The following TRIP11 variants were observed in gnomAD, a reference collection of about 807,000 sequenced individuals.
TRIP11 encodes the protein thyroid hormone receptor interactor 11.
Under a neutral mutation model 223.1 loss-of-function variants are expected in TRIP11, and 148 were observed. The ratio of observed to expected loss-of-function variants is 0.66; its 90% CI spans 0.58 to 0.76. The LOEUF (loss-of-function observed/expected upper bound fraction) is 0.76. Among genes scored for constraint, TRIP11 ranks in the 30% least tolerant of loss-of-function variants. TRIP11 has a pLI of 0.00. For synonymous variants in TRIP11, 762 were observed against 772.6 expected, an observed-to-expected ratio of 0.99 and a Z score of 0.23; for missense variants, 2,043 against 2,222.0, an observed-to-expected ratio of 0.92 and a Z score of 1.62.
rs34612555 is a variant in TRIP11 at position 92,034,424 on chromosome 14, C to CAAAAAAAAAAAAAAA, written c.140-1172_140-1171insTTTTTTTTTTTTTTT. 6.1e-4 allele frequency among the ~76,000 whole-genome samples: 82 copies of CAAAAAAAAAAAAAAA among 133,344 alleles called. No individual in the cohort carries two copies. The South Asian group carries it at 0.011, about 17-fold the overall frequency. 87.5% of individuals were successfully genotyped at this position (133,344 alleles called of 152,430 possible). A position where few individuals can be genotyped will look rare whatever the true frequency, so the allele number is the denominator to read the frequency against. ...GGTTACAGAGTGAGACTCTTGTCTC[C>CAAAAAAAAAAAAAAA]AAAAAAAAAAAAGGAAAGGGAGCTG... On this transcript the variant is annotated intron_variant, in intron 1 of 20. Transcript: ENST00000267622.
intron 13 of TRIP11, among the ~76,000 whole-genome samples, chr14:91,996,592 T>G (rs2056754312): frequency 6.6e-6 from 1 of 152,202 alleles, no homozygotes; most frequent in Non-Finnish European, 1.5e-5. Flanking sequence ...CTGCAATTTT[T>G]GTGCTTCCAG....
Position 92,003,542 on chromosome 14 carries a change from T to C in TRIP11, c.4434A>G (p.Glu1478=), listed in dbSNP as rs201733332. 38 of 1,614,176 alleles carry C rather than the reference T, an allele frequency of 2.4e-5. No individual in the cohort carries two copies. The highest frequency in any genetic ancestry group is 5.0e-5 in the Admixed American group (3 of 60,030). The change falls in exon 11 of 21, where the codon GAA becomes GAG. Residue 1478 remains glutamate (E), a synonymous_variant. Coordinates refer to ENST00000267622, the MANE Select transcript of TRIP11 (RefSeq NM_004239.4). ...IVETYRGKET[E]YQALQETNMK... ...TGTTAGTCTCTTGTAACGCTTGATA[T>C]TCTGTTTCCTTTCCCCTGTATGTTT...
intron 6 of TRIP11, 35 bp downstream of exon 6, chr14:92,015,661 A>C (rs1218086102): frequency 6.5e-7 from 1 of 1,534,590 alleles, no homozygotes; most frequent in South Asian, 1.2e-5. Flanking sequence ...CCATCTCAAA[A>C]AAAATAATAA....
chr14:91,972,924 G>A, intron 19 of TRIP11, 63 bp from the exon 20 acceptor site: 1 of 1,312,050 alleles, frequency 7.6e-7, no homozygotes, highest in Non-Finnish European at 1.1e-6. Context: ...TACAACTAAG[G>A]AAATGTACCA....
Position 91,975,218 on chromosome 14 carries a change from C to T in TRIP11, c.5411G>A (p.Arg1804Gln), listed in dbSNP as rs772880281. 24 of 1,613,720 alleles carry T rather than the reference C, an allele frequency of 1.5e-5. No homozygotes were observed. Among genetic ancestry groups the T allele is most frequent in the South Asian group, 4.4e-5 (4 of 91,072 alleles). The change falls in exon 18 of 21, where the codon CGG becomes CAG. Residue 1804 changes from arginine to glutamine, a missense_variant. Physicochemically the swap from Arg to Gln is conservative, Grantham distance 43. Transcript: ENST00000267622. Reference sequence around the variant, plus strand: ...GACGCCCAGGATGCTCCCCATTAACCGTAACACTTCATGACGCTGATTTTT... The same window carrying T: ...GACGCCCAGGATGCTCCCCATTAACTGTAACACTTCATGACGCTGATTTTT... ...TPKNQRHEVL[R>Q]LMGSILGVRR...
chr14:92,026,345 T>C (rs535132062), intron 2 of TRIP11, among the ~76,000 whole-genome samples: 9 of 152,326 alleles, frequency 5.9e-5, no homozygotes. Context: ...ACTCAAATTG[T>C]ATGTACCTAA....
intron 16 of TRIP11, among the ~76,000 whole-genome samples, chr14:91,981,465 C>T (rs2056544111): frequency 6.6e-6 from 1 of 152,212 alleles, no homozygotes; most frequent in African/African-American, 2.4e-5. Context: ...CCTCTGCTCA[C>T]TGCAACCTCT....
Position 92,039,999 on chromosome 14 carries a change from G to A in TRIP11, c.-314C>T, listed in dbSNP as rs907120166. On this transcript the variant is annotated 5_prime_UTR_variant, in exon 1 of 21. Coordinates refer to ENST00000267622, the MANE Select transcript of TRIP11 (RefSeq NM_004239.4). ...CTAATGACTTTCCTCAGTTCCGTGG[G>A]TTACTCCTGCCAACTCGACGCCGGC... The A allele has an allele frequency of 1.5e-5, 7 of 462,292 alleles. No individual in the cohort carries two copies. In the East Asian group the frequency reaches 1.5e-4, roughly 10 times the overall value. 28.6% of individuals were successfully genotyped at this position (462,292 alleles called of 1,614,324 possible).
intron 7 of TRIP11, 114 bp from the exon 8 acceptor site, chr14:92,011,909 G>T: frequency 1.2e-6 from 1 of 868,590 alleles, no homozygotes; most frequent in Non-Finnish European, 1.9e-6. Flanking sequence ...CCACTGGCAA[G>T]CAGTAACAGT....
rs542053033 is a variant in TRIP11 at position 92,006,574 on chromosome 14, T to C, written c.1528-126A>G. 99 of 1,078,222 alleles carry C rather than the reference T, an allele frequency of 9.2e-5. No homozygotes were observed. In the South Asian group the frequency reaches 1.3e-3, roughly 14 times the overall value. The allele number at this position is 1,078,222 out of a possible 1,614,324, so 66.8% of individuals were successfully genotyped here. ...ATATTTCTAATCCTTCTTAAAAACA[T>C]TGTTTTTCTATCAAAAACACCCACT... is the stretch of plus-strand genomic sequence containing the variant. On this transcript the variant is annotated intron_variant, in intron 10 of 20. Coordinates refer to ENST00000267622, the MANE Select transcript of TRIP11 (RefSeq NM_004239.4).
At chr14:92,031,687 A>G (rs1342000511) in intron 2 of TRIP11, among the ~76,000 whole-genome samples, 1 of 152,268 alleles carries the variant, frequency 6.6e-6, no homozygotes, top group East Asian at 1.9e-4. Context: ...ATTCCAGGTT[A>G]TACAATTAAG....
At chr14:92,017,900 C>T (rs1566867900) in intron 4 of TRIP11, 150 bp from the exon 5 acceptor site, 2 of 658,278 alleles carry the variant, frequency 3.0e-6, no homozygotes, top group Non-Finnish European at 5.3e-6. Flanking sequence ...TTTAAAGAAC[C>T]TAGTCTAATA....
chr14:91,988,233 G>A lies in TRIP11; in HGVS notation c.5260+51C>T, dbSNP rs543236685. On this transcript the variant is annotated intron_variant, in intron 16 of 20. Coordinates refer to ENST00000267622, the MANE Select transcript of TRIP11 (RefSeq NM_004239.4). ...CAATTTATGACAGAAGACTACATTTGATTTAATATCAGTATTGTAGTGGGG... is the reference window on the plus strand; with the variant it reads ...CAATTTATGACAGAAGACTACATTTAATTTAATATCAGTATTGTAGTGGGG... 55 of 1,403,084 alleles carry A rather than the reference G, an allele frequency of 3.9e-5. 1 individual carries two copies. In the South Asian group the frequency reaches 6.0e-4, roughly 15 times the overall value. 86.9% of individuals were successfully genotyped at this position (1,403,084 alleles called of 1,614,324 possible).
rs941830320 is a variant in TRIP11, at chr14:91,968,648, A to C, written c.*1025T>G. The C allele has an allele frequency of 4.4e-6, 1 of 225,200 alleles. No homozygotes were observed. Among genetic ancestry groups the C allele is most frequent in the African/African-American group, 2.2e-5 (1 of 44,824 alleles). The allele number at this position is 225,200 out of a possible 1,614,324, so 14.0% of individuals were successfully genotyped here. A position where few individuals can be genotyped will look rare whatever the true frequency, so the allele number is the denominator to read the frequency against. ...ATAGATACCTTAGCTGTTAAAACTA[A>C]GTGATATATCTGCACTATATGCTCA... On this transcript the variant is annotated 3_prime_UTR_variant, in exon 21 of 21. Coordinates refer to ENST00000267622, the MANE Select transcript of TRIP11 (RefSeq NM_004239.4).
chr14:92,005,364 C>T lies in TRIP11; in HGVS notation c.2612G>A (p.Arg871Gln), dbSNP rs1241992274. 6.2e-7 allele frequency: 1 copy of T among 1,614,154 alleles called. No individual in the cohort carries two copies. The highest frequency in any genetic ancestry group is 2.2e-5 in the East Asian group (1 of 44,882). ...ENNHLQEELE[R>Q]LREEQSRTAP... Reference sequence around the variant, plus strand: ...GGTTCGACTCTGCTCTTCCCTGAGTCGTTCCAATTCTTCTTGCAGATGATT... The same window carrying T: ...GGTTCGACTCTGCTCTTCCCTGAGTTGTTCCAATTCTTCTTGCAGATGATT... Residue 871 changes from arginine (R) to glutamine (Q), a missense_variant, in exon 11 of 21, where the codon CGA (arginine) becomes CAA (glutamine). By Grantham distance (43) the Arg-to-Gln change is conservative (BLOSUM62 1). Coordinates refer to ENST00000267622, the MANE Select transcript of TRIP11 (RefSeq NM_004239.4).
chr14:92,011,216 C>G, intron 8 of TRIP11, 144 bp from the exon 9 acceptor site: 1 of 773,462 alleles, frequency 1.3e-6, no homozygotes, highest in Non-Finnish European at 2.1e-6. Context: ...CTTGGCCAGA[C>G]ACGGTGGCTC....
rs74071653 is a variant in TRIP11, at chr14:91,968,743, G to C, written c.*930C>G. 3 of 228,238 alleles carry C rather than the reference G, an allele frequency of 1.3e-5. No individual in the cohort carries two copies. The Admixed American group carries it at 1.7e-4, about 13-fold the overall frequency. 14.1% of individuals were successfully genotyped at this position (228,238 alleles called of 1,614,324 possible). On this transcript the variant is annotated 3_prime_UTR_variant, in exon 21 of 21. Transcript: ENST00000267622. ...GGATCTCAAGGGAATTATGCTGAGT[G>C]AAAAAAAGCCAGTCTCAAGAGGGTA...
Position 92,004,789 on chromosome 14 carries a change from G to A in TRIP11, c.3187C>T (p.Gln1063Ter). ...AGAGCTTGTATCTCCAAATCTTTCT[G>A]CTGAATAATCTGAGTTAGTTTACCA... ...EVGKLTQIIQ[Q>*]KDLEIQALHA... Residue 1063 changes from glutamine (Q) to a stop codon, truncating the protein, a stop_gained, in exon 11 of 21, where the codon CAG (glutamine) becomes TAG (stop). Coordinates refer to ENST00000267622, the MANE Select transcript of TRIP11 (RefSeq NM_004239.4). LOFTEE classifies it high-confidence loss of function. 6.2e-7 allele frequency: 1 copy of A among 1,614,120 alleles called. No homozygotes were observed. The highest frequency in any genetic ancestry group is 8.5e-7 in the Non-Finnish European group (1 of 1,180,010).
At chr14:92,029,038 G>A (rs746112457) in intron 2 of TRIP11, among the ~76,000 whole-genome samples, 1 of 151,932 alleles carries the variant, frequency 6.6e-6, no homozygotes, top group Non-Finnish European at 1.5e-5. Context: ...ATTACCATAG[G>A]GTACCGTGGA....
Sources: gnomAD v4.1 joint callset for allele counts (sites outside exome capture counted in the v4.1 genomes callset) on GRCh38, gnomAD v4.1.1 for gene constraint, MANE v1.5 for transcripts, NCBI Gene and HGNC (gene_info 2026-07-23, HGNC 2026-07-21) for gene names.